The following BCL7C variants were observed in gnomAD, a reference collection of about 807,000 sequenced individuals.
BCL7C encodes the protein B-cell CLL/lymphoma 7 protein family member C.
Under a neutral mutation model 26.2 loss-of-function variants are expected in BCL7C, and 8 were observed. The observed-to-expected ratio is 0.30, with a 90% CI of 0.18 to 0.55. BCL7C has a LOEUF of 0.55. BCL7C is among the 20% of genes least tolerant of loss of function. The probability of loss-of-function intolerance (pLI) is 0.93; values close to 1 mark genes in which losing one functional copy is unlikely to be tolerated. For synonymous variants in BCL7C, 90 were observed against 116.5 expected, an observed-to-expected ratio of 0.77 and a Z score of 1.47; for missense variants, 262 against 298.5, an observed-to-expected ratio of 0.88 and a Z score of 0.90.
intron 4 of BCL7C, among the ~76,000 whole-genome samples, chr16:30,891,474 GA>G (rs2055235317): frequency 6.6e-6 from 1 of 152,004 alleles, no homozygotes; most frequent in African/African-American, 2.4e-5. Flanking sequence ...AAGAAAAAGA[GA>G]AAAGAAAAAA....
At chr16:30,889,566 T>G (rs534530891) in intron 4 of BCL7C, among the ~76,000 whole-genome samples, 1 of 152,086 alleles carries the variant, frequency 6.6e-6, no homozygotes, top group East Asian at 2.0e-4. Flanking sequence ...CTCGGCTCAC[T>G]GCAACCTCCG....
chr16:30,880,554 A>G (rs1218972512), intron 5 of BCL7C, among the ~76,000 whole-genome samples: 2 of 152,064 alleles, frequency 1.3e-5, no homozygotes, highest in Admixed American at 6.6e-5. Flanking sequence ...AAAAAAAAAA[A>G]AAAAAAGTCA....
At position 30,892,911 on chromosome 16, in the gene BCL7C, C is replaced by T. The variant is rs917615271; in HGVS notation, c.209G>A (p.Arg70His). 15 of 1,613,082 alleles carry T rather than the reference C, an allele frequency of 9.3e-6. No homozygotes were observed. The highest frequency in any genetic ancestry group is 4.0e-5 in the African/African-American group (3 of 75,036). The change falls in exon 3 of 6, where the codon CGT becomes CAT. Residue 70 changes from arginine (R) to histidine (H), a missense_variant. By Grantham distance (29) the Arg-to-His change is conservative. Transcript: ENST00000215115. ...RRAGGGAERS[R>H]GRERRGRGAS... ...GCCCCTGCCCCGACGTTCCCGGCCACGGGATCTCTCTGCCCCGCCACCTGC... is the reference window on the plus strand; with the variant it reads ...GCCCCTGCCCCGACGTTCCCGGCCATGGGATCTCTCTGCCCCGCCACCTGC...
chr16:30,888,781 C>G lies in BCL7C; in HGVS notation c.528+79G>C, dbSNP rs530455035. ...CTGCCTCTCCTCCAGGCCCTCAGGA[C>G]GCAGGCTCCAAGCCTTCGACTGCCC... On this transcript the variant is annotated intron_variant, in intron 5 of 5. Transcript: ENST00000215115. The G allele has an allele frequency of 8.7e-5, 119 of 1,371,288 alleles. No homozygotes were observed. In the East Asian group the frequency reaches 2.6e-3, roughly 30 times the overall value. The allele number at this position is 1,371,288 out of a possible 1,614,324, so 84.9% of individuals were successfully genotyped here.
Position 30,892,480 on chromosome 16 carries a change from G to A in BCL7C, c.442+106C>T. ...CTGCAGGAGTCGGAAGGCGCCTTGA[G>A]GAGGGTGCACAAGACGGGGAGCAGG... On this transcript the variant is annotated intron_variant, in intron 4 of 5. Transcript: ENST00000215115. 2.5e-6 allele frequency: 3 copies of A among 1,195,986 alleles called. No homozygotes were observed. In the Admixed American group the frequency reaches 7.6e-5, roughly 30 times the overall value. 74.1% of individuals were successfully genotyped at this position (1,195,986 alleles called of 1,614,324 possible).
intron 5 of BCL7C, among the ~76,000 whole-genome samples, chr16:30,861,716 CCTT>C (rs1335621048): frequency 2.0e-5 from 3 of 152,040 alleles, no homozygotes; most frequent in Non-Finnish European, 4.4e-5. Flanking sequence ...AACTCCGTCC[CCTT>C]CTTAATCAAT....
At chr16:30,861,278 G>A (rs2054769759) in intron 5 of BCL7C, among the ~76,000 whole-genome samples, 1 of 152,166 alleles carries the variant, frequency 6.6e-6, no homozygotes, top group African/African-American at 2.4e-5. Context: ...ATAGAGTAGA[G>A]GCAGCCAAGT....
At chr16:30,882,809 G>T (rs139597658), downstream of BCL7C, among the ~76,000 whole-genome samples, 9 of 152,318 alleles carry the variant, frequency 5.9e-5, no homozygotes, top group East Asian at 1.7e-3. Context: ...CTGGCACCTA[G>T]TAAAGCAGTG....
intron 5 of BCL7C, among the ~76,000 whole-genome samples, chr16:30,849,287 T>C (rs1194127576): frequency 6.6e-6 from 1 of 152,136 alleles, no homozygotes; most frequent in Non-Finnish European, 1.5e-5. Flanking sequence ...TTTTGCTTCA[T>C]GTATTTTGGG....
In BCL7C at chr16:30,892,729, C is replaced by G; in HGVS notation, c.299G>C (p.Ser100Thr). The G allele has an allele frequency of 6.2e-7, 1 of 1,614,166 alleles. No individual in the cohort carries two copies. The highest frequency in any genetic ancestry group is 2.2e-5 in the East Asian group (1 of 44,876). ...LDLNDENSNQ[S>T]FHSEGSLQKG... ...TTGCAGGGAACCTTCCGAATGGAAA[C>G]TCTGGTTGCTGTTCTCATCTGCGGG... Residue 100 changes from serine to threonine, a missense_variant, in exon 4 of 6, where the codon AGT becomes ACT. Physicochemically the swap from Ser to Thr is moderately conservative, Grantham distance 58. Coordinates refer to ENST00000215115, the MANE Select transcript of BCL7C (RefSeq NM_004765.4).
intron 5 of BCL7C, among the ~76,000 whole-genome samples, chr16:30,867,801 AAAAAT>A (rs1163053265): frequency 2.0e-5 from 3 of 152,076 alleles, no homozygotes; most frequent in Non-Finnish European, 1.5e-5. Context: ...TCAAAAAGAA[AAAAAT>A]AAAATAAAAT....
At chr16:30,870,031 CATATATCT>C (rs1204187500) in intron 5 of BCL7C, among the ~76,000 whole-genome samples, 1 of 152,050 alleles carries the variant, frequency 6.6e-6, no homozygotes, top group African/African-American at 2.4e-5. Context: ...CCATCTATCT[CATATATCT>C]ATATATCTCA....
chr16:30,857,311 TCAGGAGG>T (rs936802198), intron 5 of BCL7C, among the ~76,000 whole-genome samples: 3 of 142,484 alleles, frequency 2.1e-5, no homozygotes, highest in African/African-American at 7.9e-5. Context: ...TCACTAGAAC[TCAGGAGG>T]CAGAGGCTGC....
At chr16:30,868,870 TA>T (rs1468174444) in intron 5 of BCL7C, among the ~76,000 whole-genome samples, 2 of 151,860 alleles carry the variant, frequency 1.3e-5, no homozygotes, top group Admixed American at 6.6e-5. Context: ...AAAAAAGATT[TA>T]AAAAAAATTG....
chr16:30,887,444 T>G (rs1052466572), downstream of BCL7C, among the ~76,000 whole-genome samples: 3 of 139,700 alleles, frequency 2.1e-5, no homozygotes, highest in African/African-American at 5.5e-5. Context: ...ACCACTGCAC[T>G]CCTGCCTGGG....
chr16:30,865,856 A>T (rs1391166494), intron 5 of BCL7C, among the ~76,000 whole-genome samples: 1 of 147,192 alleles, frequency 6.8e-6, no homozygotes, highest in African/African-American at 2.5e-5. Context: ...CCTCCCTAGT[A>T]GCTGGGATTA....
chr16:30,888,441 A>G (rs2055170308), intron 5 of BCL7C, among the ~76,000 whole-genome samples: 1 of 152,050 alleles, frequency 6.6e-6, no homozygotes, highest in Non-Finnish European at 1.5e-5. Context: ...GGTTCAAGCA[A>G]TTCTCCTGCC....
downstream of BCL7C, among the ~76,000 whole-genome samples, chr16:30,886,271 T>C (rs961507513): frequency 1.3e-5 from 2 of 152,244 alleles, no homozygotes; most frequent in African/African-American, 4.8e-5. Flanking sequence ...CTTATATTAC[T>C]CGAAGCTTCC....
At chr16:30,839,924 A>C (rs2151359291) in intron 5 of BCL7C, among the ~76,000 whole-genome samples, 1 of 152,316 alleles carries the variant, frequency 6.6e-6, no homozygotes, top group Non-Finnish European at 1.5e-5. Context: ...GCTCAGCTGG[A>C]GATAACTTGG....
Sources: allele counts gnomAD v4.1 joint callset (sites outside exome capture counted in the v4.1 genomes callset), GRCh38; gene constraint gnomAD v4.1.1; transcripts MANE v1.5; gene names NCBI Gene and HGNC (gene_info 2026-07-23, HGNC 2026-07-21).